Variants in TMEM116 observed in about 807,000 individuals in gnomAD.
TMEM116 encodes transmembrane protein 116.
TMEM116 carries 38 observed loss-of-function variants against 44.3 expected under a neutral mutation model. The ratio of observed to expected loss-of-function variants is 0.86; its 90% CI spans 0.66 to 1.12. The LOEUF (loss-of-function observed/expected upper bound fraction) is 1.12. Among genes scored for constraint, TMEM116 ranks in the 50% most tolerant of loss-of-function variants. The pLI is 0.00. For missense variants in TMEM116, 354 were observed against 401.7 expected, an observed-to-expected ratio of 0.88 and a Z score of 1.01; for synonymous variants, 132 against 144.8, an observed-to-expected ratio of 0.91 and a Z score of 0.64.
chr12:111,932,475 G>T (rs1221051845), intron 10 of TMEM116, 111 bp downstream of exon 10: 2 of 839,874 alleles, frequency 2.4e-6, no homozygotes, highest in Admixed American at 2.3e-5. Context: ...TTTCTCTTTT[G>T]CAATGTAGAA....
chr12:111,991,025 C>T (rs911455808), intron 4 of TMEM116, among the ~76,000 whole-genome samples: 1 of 151,948 alleles, frequency 6.6e-6, no homozygotes, highest in African/African-American at 2.4e-5. Flanking sequence ...TCGAGACCAT[C>T]CTGGCCAACA....
In TMEM116 at chr12:111,991,802, C is replaced by T. The variant is rs2076620089; in HGVS notation, c.166G>A (p.Ala56Thr). ...TTATAGCAGATGATGTCCTTATTTG[C>T]TACTGAAGCTCCATAGAGAAGTGTC... ...TETLLYGASV[A>T]NKDIICYNLQ... Residue 56 changes from alanine (A) to threonine (T), a missense_variant, in exon 4 of 11, where the codon GCA (alanine) becomes ACA (threonine). Ala to Thr is a moderately conservative substitution (Grantham distance 58). Transcript: ENST00000552374. The T allele has an allele frequency of 1.3e-6, 2 of 1,535,602 alleles. No homozygotes were observed. Among genetic ancestry groups the T allele is most frequent in the Non-Finnish European group, 8.7e-7 (1 of 1,146,526 alleles).
At chr12:111,989,623 G>A (rs1476000846) in intron 4 of TMEM116, among the ~76,000 whole-genome samples, 2 of 152,148 alleles carry the variant, frequency 1.3e-5, no homozygotes, top group African/African-American at 4.8e-5. Context: ...TAGTATTCAT[G>A]ACATTTAAGT....
At chr12:111,976,093 C>T (rs1211534929) in intron 4 of TMEM116, among the ~76,000 whole-genome samples, 2 of 151,588 alleles carry the variant, frequency 1.3e-5, no homozygotes, top group African/African-American at 2.4e-5. Flanking sequence ...ACTGCAACCT[C>T]CGCCTCCTGG....
At chr12:111,978,687 G>T in intron 4 of TMEM116, 1 of 379,442 alleles carries the variant, frequency 2.6e-6, no homozygotes, top group Non-Finnish European at 5.3e-6. Context: ...CACTATGTTT[G>T]GATACAACAA....
At chr12:112,004,833 A>G (rs937114308) in intron 2 of TMEM116, among the ~76,000 whole-genome samples, 2 of 151,760 alleles carry the variant, frequency 1.3e-5, no homozygotes, top group Non-Finnish European at 2.9e-5. Flanking sequence ...GCTTTTTTGT[A>G]GGGACAGGGT....
chr12:111,992,410 C>T (rs1261022608), intron 3 of TMEM116, among the ~76,000 whole-genome samples: 3 of 152,010 alleles, frequency 2.0e-5, no homozygotes, highest in Non-Finnish European at 4.4e-5. Flanking sequence ...GCTGGGACTA[C>T]AGGCGCCCAG....
rs939524694 is a variant in TMEM116 at position 111,937,761 on chromosome 12, C to A, written c.365+400G>T. On this transcript the variant is annotated intron_variant, in intron 6 of 10. Coordinates refer to ENST00000552374, the MANE Select transcript of TMEM116 (RefSeq NM_001193531.2). ...TCTAAAACCAACTCTGATATGGCCA[C>A]CACTTTAGGTGAGATCCAAACCCTT... 2.6e-5 allele frequency among the ~76,000 whole-genome samples: 4 copies of A among 152,298 alleles called. No homozygotes were observed. In the South Asian group the frequency reaches 8.3e-4, roughly 32 times the overall value.
At chr12:111,998,589 C>T (rs578215937) in intron 3 of TMEM116, among the ~76,000 whole-genome samples, 3 of 152,244 alleles carry the variant, frequency 2.0e-5, no homozygotes, top group Admixed American at 6.5e-5. Flanking sequence ...GAGGCCGAGG[C>T]GAGCAGATCA....
intron 3 of TMEM116, among the ~76,000 whole-genome samples, chr12:112,003,384 C>T (rs547099183): frequency 6.6e-5 from 10 of 152,060 alleles, no homozygotes; most frequent in Non-Finnish European, 1.2e-4. Flanking sequence ...CTGGCTAACA[C>T]GGTGAAACCC....
intron 3 of TMEM116, chr12:111,993,566 C>G (rs2076745846): frequency 1.8e-6 from 1 of 544,208 alleles, no homozygotes; most frequent in African/African-American, 1.9e-5. Flanking sequence ...CCAGGTTAGA[C>G]CAAGACTTTG....
intron 4 of TMEM116, chr12:111,978,773 TTCCAGCC>T: frequency 4.5e-6 from 2 of 444,124 alleles, no homozygotes; most frequent in South Asian, 3.2e-5. Context: ...ATCTTGGACC[TTCCAGCC>T]TCCAGAACTG....
intron 3 of TMEM116, chr12:111,993,258 T>C (rs890545999): frequency 2.5e-5 from 11 of 442,966 alleles, no homozygotes; most frequent in Non-Finnish European, 4.6e-5. Context: ...TTTAGTGAAA[T>C]GCTGTATGCA....
At chr12:111,947,740 A>C (rs1565885316) in intron 4 of TMEM116, among the ~76,000 whole-genome samples, 1 of 152,206 alleles carries the variant, frequency 6.6e-6, no homozygotes, top group Admixed American at 6.5e-5. Flanking sequence ...AAAGACTCTA[A>C]CAAGTACTCT....
intron 4 of TMEM116, among the ~76,000 whole-genome samples, chr12:111,983,401 C>CACTGCACTCCAGCCTGGGCAACAGAGCA (rs1224771362): frequency 2.6e-5 from 4 of 151,020 alleles, no homozygotes; most frequent in Admixed American, 2.6e-4. Context: ...GAGATCATGC[C>CACTGCACTCCAGCCTGGGCAACAGAGCA]ACTGCACTCC....
intron 6 of TMEM116, 137 bp downstream of exon 6, chr12:111,938,024 T>A (rs1056527701): frequency 3.3e-5 from 16 of 479,232 alleles, no homozygotes; most frequent in African/African-American, 3.0e-4. Flanking sequence ...TGAACACGTA[T>A]TTGTTGTTTC....
intron 5 of TMEM116, among the ~76,000 whole-genome samples, chr12:111,939,922 G>A (rs1302875584): frequency 2.0e-5 from 3 of 149,900 alleles, no homozygotes; most frequent in Non-Finnish European, 4.4e-5. Flanking sequence ...GTGTGTGTGT[G>A]TGTGTGTGTG....
At chr12:111,988,895 G>T (rs1374792653) in intron 4 of TMEM116, among the ~76,000 whole-genome samples, 2 of 151,992 alleles carry the variant, frequency 1.3e-5, no homozygotes, top group Non-Finnish European at 2.9e-5. Context: ...GGGAGGCTGA[G>T]GCAGGAGAAT....
intron 3 of TMEM116, among the ~76,000 whole-genome samples, chr12:111,999,562 G>A (rs1208407499): frequency 6.6e-6 from 1 of 151,376 alleles, no homozygotes; most frequent in Non-Finnish European, 1.5e-5. Context: ...CTGCACCACT[G>A]CACTCCAGCT....
Sources: allele counts gnomAD v4.1 joint callset (sites outside exome capture counted in the v4.1 genomes callset), GRCh38; gene constraint gnomAD v4.1.1; transcripts MANE v1.5; gene names NCBI Gene and HGNC (gene_info 2026-07-23, HGNC 2026-07-21).